Variants in ARID1A observed in about 807,000 individuals in gnomAD.
ARID1A encodes AT-rich interactive domain-containing protein 1A.
In ARID1A, 20 loss-of-function variants were observed where a neutral mutation model predicts 212.6. That is an observed-to-expected ratio of 0.09 (90% CI 0.07 to 0.14). ARID1A has a LOEUF of 0.14. Ranked by LOEUF, ARID1A falls within the 10% of genes least tolerant of loss-of-function variation. The probability of loss-of-function intolerance (pLI) is 1.00; values close to 1 mark genes in which losing one functional copy is unlikely to be tolerated. For synonymous variants in ARID1A, 1,376 were observed against 1,222.1 expected (o/e 1.13, Z -2.63); for missense variants, 2,587 against 3,059.0 (o/e 0.85, Z 3.64).
intron 4 of ARID1A, among the ~76,000 whole-genome samples, chr1:26,735,547 C>T (rs1324437191): frequency 6.6e-6 from 1 of 152,234 alleles, no homozygotes; most frequent in Non-Finnish European, 1.5e-5. Flanking sequence ...CTGCCTTGGC[C>T]TCCCAAGGTG....
At chr1:26,711,952 C>T (rs574986722) in intron 1 of ARID1A, among the ~76,000 whole-genome samples, 12 of 151,948 alleles carry the variant, frequency 7.9e-5, no homozygotes, top group African/African-American at 9.7e-5. Context: ...CATGGTGATG[C>T]GCGCCTGTAG....
At position 26,748,609 on chromosome 1, in the gene ARID1A, T is replaced by A. The variant is rs1356946152; in HGVS notation, c.1921-12247T>A. 4.5e-4 allele frequency among the ~76,000 whole-genome samples: 49 copies of A among 109,180 alleles called. No homozygotes were observed. The Admixed American group carries it at 4.6e-3, about 10-fold the overall frequency. The allele number at this position is 109,180 out of a possible 152,430, so 71.6% of individuals were successfully genotyped here. A position where few individuals can be genotyped will look rare whatever the true frequency, so the allele number is the denominator to read the frequency against. On this transcript the variant is annotated intron_variant, in intron 4 of 19. Coordinates refer to ENST00000324856, the MANE Select transcript of ARID1A (RefSeq NM_006015.6). ...TCAGGCCCAGCTCTGACCCAGATTC[T>A]TTTTTTTTTTTTTTTTTTTGTCAGA...
At chr1:26,713,644 G>A (rs1167668651) in intron 1 of ARID1A, among the ~76,000 whole-genome samples, 1 of 152,122 alleles carries the variant, frequency 6.6e-6, no homozygotes, top group Non-Finnish European at 1.5e-5. Flanking sequence ...ACAGGCGTGC[G>A]CCCAGCCTGT....
intron 4 of ARID1A, among the ~76,000 whole-genome samples, chr1:26,748,608 C>CTTT (rs36087588): frequency 2.2e-4 from 26 of 117,696 alleles, no homozygotes; most frequent in South Asian, 5.6e-4. Context: ...GACCCAGATT[C>CTTT]TTTTTTTTTT....
rs2124059412 is a variant in ARID1A, at chr1:26,761,410, A to G, written c.2188A>G (p.Ser730Gly). The change falls in exon 6 of 20, where the codon AGT (serine) becomes GGT (glycine). Residue 730 changes from serine to glycine, a missense_variant. Physicochemically the swap from Ser to Gly is moderately conservative, Grantham distance 56 (BLOSUM62 0). Around this residue, in one of 11 missense-constraint regions of ARID1A, gnomAD observed 674 missense variants for 813.4 expected, o/e 0.83. Coordinates refer to ENST00000324856, the MANE Select transcript of ARID1A (RefSeq NM_006015.6). Reference protein sequence around the residue: ...PGNQMPPRPPSGQSDSIMHPS... With the variant: ...PGNQMPPRPPGGQSDSIMHPS... Reference sequence around the variant, plus strand: ...CAACCAGATGCCACCTCGGCCACCCAGTGGCCAGTCGGACAGCATCATGCA... The same window carrying G: ...CAACCAGATGCCACCTCGGCCACCCGGTGGCCAGTCGGACAGCATCATGCA... The G allele has an allele frequency of 6.2e-7, 1 of 1,614,208 alleles. No homozygotes were observed.
chr1:26,764,335 G>A (rs949849012), intron 8 of ARID1A: 4 of 150,258 alleles, frequency 2.7e-5, no homozygotes, highest in East Asian at 2.0e-4. Flanking sequence ...TTATTTTGAT[G>A]TGCAAAATAA....
In ARID1A at chr1:26,696,964, C is replaced by G. The variant is rs987852518; in HGVS notation, c.561C>G (p.Gly187=). 1 of 1,477,490 alleles carries G rather than the reference C, an allele frequency of 6.8e-7. No individual in the cohort carries two copies. The highest frequency in any genetic ancestry group is 1.4e-5 in the South Asian group (1 of 72,662). The allele number at this position is 1,477,490 out of a possible 1,614,324, so 91.5% of individuals were successfully genotyped here. The change falls in exon 1 of 20, where the codon GGC becomes GGG. Residue 187 remains glycine, a synonymous_variant. Transcript: ENST00000324856. The stretch of plus-strand genomic sequence containing the variant: ...CTGGCCTGGCAGCGCTGCAGAGCGG[C>G]GGCGGCGGGGGCCTGGAGCCCTACG... ...QSPGLAALQS[G]GGGGLEPYAG... is the part of the protein sequence containing the mutation.
intron 2 of ARID1A, among the ~76,000 whole-genome samples, chr1:26,730,289 C>G (rs765656024): frequency 6.6e-6 from 1 of 152,132 alleles, no homozygotes; most frequent in East Asian, 1.9e-4. Context: ...ATGAATGTGA[C>G]TGGGAGTAGA....
At chr1:26,766,604 C>T (rs755206830) in intron 10 of ARID1A, 38 bp downstream of exon 10, 1 of 1,547,434 alleles carries the variant, frequency 6.5e-7, no homozygotes, top group Non-Finnish European at 8.8e-7. Flanking sequence ...AACTTTGTGT[C>T]CTATCTTTTT....
chr1:26,761,079 C>T lies in ARID1A; in HGVS notation c.2144C>T (p.Ser715Leu), dbSNP rs1387691435. 4 of 1,614,020 alleles carry T rather than the reference C, an allele frequency of 2.5e-6. No individual in the cohort carries two copies. In the African/African-American group the frequency reaches 4.0e-5, roughly 16 times the overall value. ...GCTCAGTCTCGCTCAGGACCACTCTCGCCTGCTGCAGTGCCAGGTACCCTC... is the reference window on the plus strand; with the variant it reads ...GCTCAGTCTCGCTCAGGACCACTCTTGCCTGCTGCAGTGCCAGGTACCCTC... ...SVAQSRSGPLSPAAVPGNQMP... is the reference protein window; with the variant it reads ...SVAQSRSGPLLPAAVPGNQMP... The change falls in exon 5 of 20, where the codon TCG (serine) becomes TTG (leucine). Residue 715 changes from serine to leucine, a missense_variant. By Grantham distance (145) the Ser-to-Leu change is moderately radical. Transcript: ENST00000324856.
chr1:26,744,020 C>A (rs1045718533), intron 4 of ARID1A, among the ~76,000 whole-genome samples: 1 of 152,056 alleles, frequency 6.6e-6, no homozygotes, highest in African/African-American at 2.4e-5. Context: ...TGTATCTGTG[C>A]CTGCTCCCCT....
At chr1:26,760,428 C>T (rs944904373) in intron 4 of ARID1A, among the ~76,000 whole-genome samples, 4 of 152,188 alleles carry the variant, frequency 2.6e-5, no homozygotes, top group Non-Finnish European at 4.4e-5. Flanking sequence ...TGGCTCACGC[C>T]TATAATCCCA....
Position 26,696,310 on chromosome 1 carries a change from G to T in ARID1A, c.-94G>T. ...GAGGCCCGCCCGGGCGGGTGGGGAG[G>T]GCAGCCCGGGGGACTGGGCCCCGGG... On this transcript the variant is annotated 5_prime_UTR_variant, in exon 1 of 20. Transcript: ENST00000324856. 8.4e-7 allele frequency: 1 copy of T among 1,188,060 alleles called. No individual in the cohort carries two copies. Among genetic ancestry groups the T allele is most frequent in the Non-Finnish European group, 1.0e-6 (1 of 959,024 alleles). The allele number at this position is 1,188,060 out of a possible 1,614,324, so 73.6% of individuals were successfully genotyped here.
At chr1:26,764,230 G>C (rs2081018894) in intron 8 of ARID1A, 1 of 150,576 alleles carries the variant, frequency 6.6e-6, no homozygotes, top group African/African-American at 2.4e-5. Flanking sequence ...CTCTGAAAGT[G>C]CTGGGATTAC....
At chr1:26,773,152 TCCTTGGCTTCA>T (rs1419812525) in intron 14 of ARID1A, among the ~76,000 whole-genome samples, 165 bp downstream of exon 14, 11 of 151,878 alleles carry the variant, frequency 7.2e-5, no homozygotes, top group African/African-American at 2.4e-4. Flanking sequence ...TCTTGTCTTC[TCCTTGGCTTCA>T]CCTTGTCATC....
At chr1:26,723,375 C>T (rs1026659918) in intron 1 of ARID1A, among the ~76,000 whole-genome samples, 1 of 152,172 alleles carries the variant, frequency 6.6e-6, no homozygotes, top group African/African-American at 2.4e-5. Context: ...CAACAGCTGT[C>T]GCCTGTCCCT....
At chr1:26,768,701 C>T (rs1273511934) in intron 11 of ARID1A, among the ~76,000 whole-genome samples, 2 of 152,186 alleles carry the variant, frequency 1.3e-5, no homozygotes. Flanking sequence ...GGACACCACC[C>T]AGAGCTTGTG....
chr1:26,747,688 A>C (rs1304287048), intron 4 of ARID1A, among the ~76,000 whole-genome samples: 1 of 151,320 alleles, frequency 6.6e-6, no homozygotes, highest in Non-Finnish European at 1.5e-5. Context: ...CTCTACCAAA[A>C]AAAAAAAAAA....
intron 17 of ARID1A, 53 bp downstream of exon 17, chr1:26,773,951 G>A: frequency 6.4e-7 from 1 of 1,569,384 alleles, no homozygotes; most frequent in Non-Finnish European, 8.8e-7. Flanking sequence ...TTGAAAACTA[G>A]TTAGTAAACT....
Sources: allele counts gnomAD v4.1 joint callset (sites outside exome capture counted in the v4.1 genomes callset), GRCh38; gene constraint gnomAD v4.1.1; regional missense constraint gnomAD v4.1.1; transcripts MANE v1.5; gene names NCBI Gene and HGNC (gene_info 2026-07-23, HGNC 2026-07-21).